Variants in STARD4 observed in about 807,000 individuals in gnomAD.
STARD4 encodes StAR related lipid transfer domain containing 4.
A neutral mutation model predicts 24.9 loss-of-function variants in STARD4; 33 were observed. That is an observed-to-expected ratio of 1.32 (90% CI 1.00 to 1.77). The LOEUF is 1.77. Ranked by LOEUF, STARD4 falls within the 40% of genes most tolerant of loss-of-function variation. The pLI, the probability that STARD4 is intolerant of heterozygous loss-of-function variation, is 0.00. For synonymous variants in STARD4, 88 were observed against 77.4 expected (o/e 1.14, Z -0.72); for missense variants, 238 against 249.3 (o/e 0.95, Z 0.31).
Position 111,507,517 on chromosome 5 carries a change from T to C in STARD4, c.-9-75A>G. On this transcript the variant is annotated intron_variant, in intron 1 of 5. Coordinates refer to ENST00000296632, the MANE Select transcript of STARD4 (RefSeq NM_139164.3). The surrounding 1 kb of genome is among the most constrained non-coding windows in gnomAD (Gnocchi z 4.4). ...ATAGGCCAGTGGGTCTCGAATCTGG[T>C]TTCACAATATAATAACCTACCAGAG... 1.9e-6 allele frequency: 2 copies of C among 1,057,664 alleles called. No homozygotes were observed. Among genetic ancestry groups the C allele is most frequent in the Admixed American group, 2.1e-5 (1 of 47,044 alleles). 65.5% of individuals were successfully genotyped at this position (1,057,664 alleles called of 1,614,324 possible).
rs981159730 is a variant in STARD4, at chr5:111,500,531, T to C, written c.398-425A>G. 8 of 1,054,642 alleles carry C rather than the reference T, an allele frequency of 7.6e-6. No homozygotes were observed. In the South Asian group the frequency reaches 2.6e-4, roughly 35 times the overall value. 65.3% of individuals were successfully genotyped at this position (1,054,642 alleles called of 1,614,324 possible). A position where few individuals can be genotyped will look rare whatever the true frequency, so the allele number is the denominator to read the frequency against. ...ACTGCTAACTTAAGTATACACTATA[T>C]ACAAAATAATATTAATTTACCTATA... is the stretch of plus-strand genomic sequence containing the variant. On this transcript the variant is annotated intron_variant, in intron 5 of 5. Coordinates refer to ENST00000296632, the MANE Select transcript of STARD4 (RefSeq NM_139164.3).
intron 2 of STARD4, among the ~76,000 whole-genome samples, chr5:111,506,976 G>T (rs928541783): frequency 1.3e-5 from 2 of 152,066 alleles, no homozygotes; most frequent in African/African-American, 4.8e-5. Flanking sequence ...ACCTTCATAG[G>T]CTTTTTGATA....
At chr5:111,505,058 A>AC (rs1561538841) in intron 3 of STARD4, 1 of 454,936 alleles carries the variant, frequency 2.2e-6, no homozygotes, top group East Asian at 7.0e-5. Flanking sequence ...AAAAAAAAAA[A>AC]CCAGTGTTTC....
intron 1 of STARD4, among the ~76,000 whole-genome samples, chr5:111,508,439 T>C (rs1381121426): frequency 1.3e-5 from 2 of 152,160 alleles, no homozygotes; most frequent in Admixed American, 6.5e-5. Context: ...TTTCTTAGCA[T>C]AATTCCTACT....
chr5:111,506,455 T>A, intron 2 of STARD4, 76 bp from the exon 3 acceptor site: 1 of 608,936 alleles, frequency 1.6e-6, no homozygotes, highest in Non-Finnish European at 2.7e-6. Context: ...ATTTTATAAG[T>A]CTATAGAATT....
chr5:111,505,481 G>A (rs1756785790), intron 3 of STARD4, among the ~76,000 whole-genome samples: 1 of 152,092 alleles, frequency 6.6e-6, no homozygotes, highest in African/African-American at 2.4e-5. Context: ...CAAGGCAGTT[G>A]TCTCTACAAG....
Position 111,499,748 on chromosome 5 carries a change from C to G in STARD4, c.*138G>C, listed in dbSNP as rs1358813128. 1.3e-6 allele frequency: 1 copy of G among 744,382 alleles called. No homozygotes were observed. Among genetic ancestry groups the G allele is most frequent in the Non-Finnish European group, 2.1e-6 (1 of 466,020 alleles). The allele number at this position is 744,382 out of a possible 1,614,324, so 46.1% of individuals were successfully genotyped here. A position where few individuals can be genotyped will look rare whatever the true frequency, so the allele number is the denominator to read the frequency against. On this transcript the variant is annotated 3_prime_UTR_variant, in exon 6 of 6. Transcript: ENST00000296632. ...TAGCTATTTACTTTAGGAATAAAAC[C>G]AAACATTGTACTAGTGAACCAAAAA...
At chr5:111,500,723 C>A in intron 5 of STARD4, 1 of 1,387,496 alleles carries the variant, frequency 7.2e-7, no homozygotes. Context: ...GAAGAAAATC[C>A]ATTTACTAGA....
At chr5:111,509,093 C>T (rs183888141) in intron 1 of STARD4, among the ~76,000 whole-genome samples, 1 of 152,096 alleles carries the variant, frequency 6.6e-6, no homozygotes, top group East Asian at 1.9e-4. Flanking sequence ...AATTTCCATT[C>T]AAGAGGCTGT....
At chr5:111,503,816 A>AT (rs1196755372) in intron 3 of STARD4, among the ~76,000 whole-genome samples, 1 of 152,198 alleles carries the variant, frequency 6.6e-6, no homozygotes, top group Non-Finnish European at 1.5e-5. Context: ...AAAATAAGTC[A>AT]TTTTTTAAAA....
chr5:111,500,795 G>A lies in STARD4; in HGVS notation c.397+207C>T. The A allele has an allele frequency of 2.0e-6, 3 of 1,471,832 alleles. No individual in the cohort carries two copies. In the South Asian group the frequency reaches 4.3e-5, roughly 21 times the overall value. 91.2% of individuals were successfully genotyped at this position (1,471,832 alleles called of 1,614,324 possible). A position where few individuals can be genotyped will look rare whatever the true frequency, so the allele number is the denominator to read the frequency against. On this transcript the variant is annotated intron_variant, in intron 5 of 5. Coordinates refer to ENST00000296632, the MANE Select transcript of STARD4 (RefSeq NM_139164.3). ...CTACCTCTGACCTAGAGGATACTGT[G>A]TAACTGGGAACAAAAACTTATCAGA...
Position 111,507,489 on chromosome 5 carries a change from G to A in STARD4, c.-9-47C>T. On this transcript the variant is annotated intron_variant, in intron 1 of 5. Transcript: ENST00000296632. This position sits in a 1 kb window ranked among gnomAD's most constrained non-coding sequence, Gnocchi z 4.4. ...GCATCAGCAAATACCACAGTTTGAG[G>A]CAATAGGCCAGTGGGTCTCGAATCT... is the stretch of plus-strand genomic sequence containing the variant. The A allele has an allele frequency of 1.4e-6, 2 of 1,456,800 alleles. No individual in the cohort carries two copies. Among genetic ancestry groups the A allele is most frequent in the Non-Finnish European group, 1.9e-6 (2 of 1,050,902 alleles). 90.2% of individuals were successfully genotyped at this position (1,456,800 alleles called of 1,614,324 possible). A position where few individuals can be genotyped will look rare whatever the true frequency, so the allele number is the denominator to read the frequency against.
chr5:111,510,671 T>C (rs905129151), intron 1 of STARD4, among the ~76,000 whole-genome samples: 1 of 152,198 alleles, frequency 6.6e-6, no homozygotes, highest in African/African-American at 2.4e-5. Flanking sequence ...CCCATGCTTT[T>C]GAAGCTATCA....
At chr5:111,508,315 C>T (rs897363659) in intron 1 of STARD4, among the ~76,000 whole-genome samples, 1 of 152,086 alleles carries the variant, frequency 6.6e-6, no homozygotes, top group Non-Finnish European at 1.5e-5. Context: ...ACCACTATAA[C>T]TCCACCACCT....
At chr5:111,511,091 T>C (rs1314972509) in intron 1 of STARD4, among the ~76,000 whole-genome samples, 2 of 152,218 alleles carry the variant, frequency 1.3e-5, no homozygotes, top group African/African-American at 4.8e-5. Context: ...AACATAAAAA[T>C]TTCAGCATAT....
chr5:111,499,711 C>A lies in STARD4; in HGVS notation c.*175G>T, dbSNP rs957667920. 5 of 602,018 alleles carry A rather than the reference C, an allele frequency of 8.3e-6. No individual in the cohort carries two copies. The highest frequency in any genetic ancestry group is 1.1e-5 in the Non-Finnish European group (4 of 352,068). The allele number at this position is 602,018 out of a possible 1,614,324, so 37.3% of individuals were successfully genotyped here. ...ATTTAAAAAAAAAAAAGTGAAAATG[C>A]CCTCTCTTAGATAGCTATTTACTTT... is the stretch of plus-strand genomic sequence containing the variant. On this transcript the variant is annotated 3_prime_UTR_variant, in exon 6 of 6. Coordinates refer to ENST00000296632, the MANE Select transcript of STARD4 (RefSeq NM_139164.3).
Position 111,507,475 on chromosome 5 carries a change from T to C in STARD4, c.-9-33A>G. On this transcript the variant is annotated intron_variant, in intron 1 of 5. Transcript: ENST00000296632. This position sits in a 1 kb window ranked among gnomAD's most constrained non-coding sequence, Gnocchi z 4.4. Reference sequence around the variant, plus strand: ...GGAGACCAAGATTAGCATCAGCAAATACCACAGTTTGAGGCAATAGGCCAG... The same window carrying C: ...GGAGACCAAGATTAGCATCAGCAAACACCACAGTTTGAGGCAATAGGCCAG... 6.4e-7 allele frequency: 1 copy of C among 1,565,488 alleles called. No individual in the cohort carries two copies. Among genetic ancestry groups the C allele is most frequent in the Non-Finnish European group, 8.7e-7 (1 of 1,142,998 alleles).
chr5:111,508,673 G>GTAC (rs1757034636), intron 1 of STARD4, among the ~76,000 whole-genome samples: 1 of 152,116 alleles, frequency 6.6e-6, no homozygotes, highest in African/African-American at 2.4e-5. Context: ...TTTATGCTTT[G>GTAC]TACTAGTTGT....
chr5:111,501,047 C>G lies in STARD4; in HGVS notation c.352G>C (p.Asp118His), dbSNP rs375744963. 1.9e-6 allele frequency: 3 copies of G among 1,612,924 alleles called. No homozygotes were observed. Among genetic ancestry groups the G allele is most frequent in the African/African-American group, 2.7e-5 (2 of 74,798 alleles). ...TTATAGCCCACAGTATAGGAGAAAT[C>G]AACAAATTCTCTTGGGGAAATTATA... ...WNIISPREFV[D>H]FSYTVGYKEG... Residue 118 changes from aspartate to histidine, a missense_variant, in exon 5 of 6, where the codon GAT becomes CAT. Coordinates refer to ENST00000296632, the MANE Select transcript of STARD4 (RefSeq NM_139164.3).
Sources: allele counts gnomAD v4.1 joint callset (sites outside exome capture counted in the v4.1 genomes callset), GRCh38; gene constraint gnomAD v4.1.1; non-coding constraint Gnocchi (gnomAD v3.1); transcripts MANE v1.5; gene names NCBI Gene and HGNC (gene_info 2026-07-23, HGNC 2026-07-21).